Variants in RSU1 observed in about 807,000 individuals in gnomAD.
The protein encoded by RSU1 is rsu-1.
RSU1 carries 26 observed loss-of-function variants against 31.1 expected under a neutral mutation model. The ratio of observed to expected loss-of-function variants is 0.84; its 90% confidence interval spans 0.61 to 1.16. RSU1 has a LOEUF of 1.16. Among genes scored for constraint, RSU1 ranks in the 50% most tolerant of loss-of-function variants. The probability of loss-of-function intolerance (pLI) is 0.00; values close to 1 mark genes in which losing one functional copy is unlikely to be tolerated. For missense variants in RSU1, 320 were observed against 339.1 expected, an observed-to-expected ratio of 0.94 and a Z score of 0.44; for synonymous variants, 164 against 136.3, an observed-to-expected ratio of 1.20 and a Z score of -1.41.
At chr10:16,722,847 T>C (rs1337548375) in intron 7 of RSU1, among the ~76,000 whole-genome samples, 17 of 104,862 alleles carry the variant, frequency 1.6e-4, no homozygotes, top group Admixed American at 3.3e-4. Context: ...TATGTATATA[T>C]ACACACATAT....
chr10:16,654,698 A>C (rs1834746301), intron 8 of RSU1, among the ~76,000 whole-genome samples: 1 of 150,316 alleles, frequency 6.7e-6, no homozygotes, highest in South Asian at 2.1e-4. Flanking sequence ...AAAAAAAAGG[A>C]AATGATTTAG....
At position 16,722,800 on chromosome 10, in the gene RSU1, A is replaced by G. The variant is rs114153934; in HGVS notation, c.599-27645T>C. 6.2e-3 allele frequency among the ~76,000 whole-genome samples: 942 copies of G among 151,294 alleles called. 13 individuals are homozygous for G. The highest frequency in any genetic ancestry group is 0.022 in the African/African-American group (888 of 41,148). On this transcript the variant is annotated intron_variant, in intron 7 of 8. Transcript: ENST00000345264. ...TATATGTGTATGTGTGTGTCTATAT[A>G]CATATATACACATATATACATGTAT...
At position 16,613,810 on chromosome 10, in the gene RSU1, A is replaced by C. The variant is rs1006559124; in HGVS notation, c.732-20314T>G. ...GTCTACAGCTCTTTAAAAAAAAAAAAAACAAAAAAAACAAACCTTTCCCCA... is the reference window on the plus strand; with the variant it reads ...GTCTACAGCTCTTTAAAAAAAAAAACAACAAAAAAAACAAACCTTTCCCCA... On this transcript the variant is annotated intron_variant, in intron 8 of 8. Transcript: ENST00000345264. Among the ~76,000 whole-genome samples, 22 of 152,000 alleles carry C rather than the reference A, an allele frequency of 1.4e-4. 1 individual carries two copies. The highest frequency in any genetic ancestry group is 1.3e-4 in the Non-Finnish European group (9 of 67,984).
At chr10:16,815,206 G>A (rs190716208) in intron 2 of RSU1, among the ~76,000 whole-genome samples, 32 of 152,338 alleles carry the variant, frequency 2.1e-4, no homozygotes, top group Admixed American at 5.9e-4. Context: ...GGACCCTTAC[G>A]GAATGCAAGA....
intron 8 of RSU1, among the ~76,000 whole-genome samples, chr10:16,625,686 C>T (rs1834144848): frequency 6.6e-6 from 1 of 152,178 alleles, no homozygotes; most frequent in African/African-American, 2.4e-5. Context: ...GCTCACCTTA[C>T]TTATCAGGTA....
At chr10:16,807,858 C>T (rs1038734689) in intron 2 of RSU1, among the ~76,000 whole-genome samples, 7 of 151,864 alleles carry the variant, frequency 4.6e-5, no homozygotes, top group South Asian at 4.2e-4. Flanking sequence ...CCCGTCTCTA[C>T]GAAAAATACA....
At chr10:16,759,977 T>A (rs1026513282) in intron 4 of RSU1, among the ~76,000 whole-genome samples, 3 of 152,168 alleles carry the variant, frequency 2.0e-5, no homozygotes, top group African/African-American at 7.2e-5. Flanking sequence ...TCCCTATAAC[T>A]TGCCTCACTG....
chr10:16,777,346 G>A (rs1837554319), intron 3 of RSU1, among the ~76,000 whole-genome samples: 1 of 151,826 alleles, frequency 6.6e-6, no homozygotes, highest in Non-Finnish European at 1.5e-5. Context: ...ATTGGAGGAA[G>A]AGAAATGTTT....
chr10:16,702,671 T>A (rs1424149943), intron 7 of RSU1, among the ~76,000 whole-genome samples: 1 of 152,216 alleles, frequency 6.6e-6, no homozygotes, highest in Non-Finnish European at 1.5e-5. Context: ...ACCTCCACTC[T>A]ATCTTGAAAG....
intron 8 of RSU1, among the ~76,000 whole-genome samples, chr10:16,616,188 C>T (rs186361660): frequency 7.9e-5 from 12 of 152,022 alleles, no homozygotes; most frequent in African/African-American, 2.9e-4. Context: ...CCCCTGATCC[C>T]ACAGAAATAC....
In RSU1 at chr10:16,785,499, T is replaced by TATAC. The variant is rs1384184897; in HGVS notation, c.110-3416_110-3415insGTAT. Among the ~76,000 whole-genome samples the TATAC allele has an allele frequency of 6.4e-4, 79 of 123,062 alleles. 1 individual carries two copies. Among genetic ancestry groups the TATAC allele is most frequent in the Middle Eastern group, 7.6e-3 (2 of 264 alleles). 80.7% of individuals were successfully genotyped at this position (123,062 alleles called of 152,430 possible). A position where few individuals can be genotyped will look rare whatever the true frequency, so the allele number is the denominator to read the frequency against. ...ATATATACATATATACATATATATATACACATATATACATATATATATATA... is the reference window on the plus strand; with the variant it reads ...ATATATACATATATACATATATATATATACACACATATATACATATATATATATA... On this transcript the variant is annotated intron_variant, in intron 2 of 8. Coordinates refer to ENST00000345264, the MANE Select transcript of RSU1 (RefSeq NM_012425.4).
At chr10:16,760,543 C>T (rs1172665802) in intron 4 of RSU1, among the ~76,000 whole-genome samples, 3 of 150,532 alleles carry the variant, frequency 2.0e-5, no homozygotes, top group Non-Finnish European at 4.4e-5. Flanking sequence ...GAAAAGTGTA[C>T]GACTCTGTCC....
chr10:16,633,201 C>G (rs1834282052), intron 8 of RSU1, among the ~76,000 whole-genome samples: 1 of 152,100 alleles, frequency 6.6e-6, no homozygotes, highest in South Asian at 2.1e-4. Context: ...CAAGTGTCCC[C>G]AGCGGGAGTG....
In RSU1 at chr10:16,591,239, A is replaced by G. The variant is rs185255922; in HGVS notation, c.*2155T>C. 1.6e-4 allele frequency: 25 copies of G among 152,200 alleles called. No individual in the cohort carries two copies. The highest frequency in any genetic ancestry group is 5.8e-4 in the African/African-American group (24 of 41,516). The allele number at this position is 152,200 out of a possible 1,614,324, so 9.4% of individuals were successfully genotyped here. On this transcript the variant is annotated 3_prime_UTR_variant, in exon 9 of 9. Coordinates refer to ENST00000345264, the MANE Select transcript of RSU1 (RefSeq NM_012425.4). ...TGTTCAACAATTTTTAATGTCATAA[A>G]AGCCTCATGCAGACACACCGTAATT...
chr10:16,807,179 T>C lies in RSU1; in HGVS notation c.109+9794A>G, dbSNP rs139437815. Among the ~76,000 whole-genome samples the C allele has an allele frequency of 5.4e-4, 83 of 152,360 alleles. 1 individual carries two copies. The highest frequency in any genetic ancestry group is 1.2e-3 in the African/African-American group (51 of 41,586). On this transcript the variant is annotated intron_variant, in intron 2 of 8. Transcript: ENST00000345264. The stretch of plus-strand genomic sequence containing the variant: ...CATTACCGTTCTCCGGTCTGCACTG[T>C]GTCCTGAAAAACTAAGAGGCGAAAC...
chr10:16,712,019 G>C (rs1374577770), intron 7 of RSU1, among the ~76,000 whole-genome samples: 4 of 152,012 alleles, frequency 2.6e-5, no homozygotes, highest in Non-Finnish European at 1.5e-5. Context: ...TATGTTTCAG[G>C]GTTGAGTGCA....
intron 7 of RSU1, among the ~76,000 whole-genome samples, chr10:16,735,839 A>G (rs112817017): frequency 1.5e-4 from 23 of 152,312 alleles, no homozygotes; most frequent in African/African-American, 4.8e-4. Context: ...GGTCCCTCCC[A>G]TATGTGGAGA....
intron 8 of RSU1, among the ~76,000 whole-genome samples, chr10:16,655,344 G>T (rs142805244): frequency 4.6e-5 from 7 of 152,246 alleles, no homozygotes; most frequent in Non-Finnish European, 5.9e-5. Context: ...GCACGGGCTT[G>T]GGACTTAGGC....
At chr10:16,762,843 T>C (rs192896443) in intron 4 of RSU1, among the ~76,000 whole-genome samples, 2 of 151,956 alleles carry the variant, frequency 1.3e-5, no homozygotes, top group East Asian at 3.9e-4. Context: ...TGAAACCCCA[T>C]CTCTACTAAA....
Sources: gnomAD v4.1 joint callset for allele counts (sites outside exome capture counted in the v4.1 genomes callset) on GRCh38, gnomAD v4.1.1 for gene constraint, MANE v1.5 for transcripts, NCBI Gene and HGNC (gene_info 2026-07-23, HGNC 2026-07-21) for gene names.